The following USP24 variants were observed in gnomAD, a reference collection of about 807,000 sequenced individuals.
USP24 encodes ubiquitin specific peptidase 24, also known as ubiquitin carboxyl-terminal hydrolase 24.
In USP24, 97 loss-of-function variants were observed where a neutral mutation model predicts 361.6. The ratio of observed to expected loss-of-function variants is 0.27; its 90% CI spans 0.23 to 0.32. The LOEUF (loss-of-function observed/expected upper bound fraction) is 0.32. USP24 is among the 10% of genes least tolerant of loss of function. USP24 has a pLI of 1.00. For synonymous variants in USP24, 1,098 were observed against 1,124.6 expected (o/e 0.98, Z 0.47); for missense variants, 2,353 against 3,165.6 (o/e 0.74, Z 6.16).
chr1:55,112,017 T>C (rs1188372042), intron 38 of USP24, among the ~76,000 whole-genome samples: 3 of 152,208 alleles, frequency 2.0e-5, no homozygotes, highest in African/African-American at 2.4e-5. Flanking sequence ...CTGTAGATTA[T>C]ACATATTATA....
rs1219688715 is a variant in USP24, at chr1:55,172,380, T to C, written c.699A>G (p.Thr233=). Reference sequence around the variant, plus strand: ...CTTAATTTTAGAGATACTATACCATTGTAAGCACACCCAGGAGACCAGTGG... The same window carrying C: ...CTTAATTTTAGAGATACTATACCATCGTAAGCACACCCAGGAGACCAGTGG... The part of the protein sequence containing the change: ...PIPTGLLGVL[T]MAFNPDNEYH... The change falls in exon 4 of 68, where the codon ACA becomes ACG. Residue 233 remains threonine (T), a synonymous_variant. Coordinates refer to ENST00000294383, the MANE Select transcript of USP24 (RefSeq NM_015306.3). The C allele has an allele frequency of 3.7e-6, 6 of 1,611,100 alleles. No individual in the cohort carries two copies. Among genetic ancestry groups the C allele is most frequent in the East Asian group, 2.2e-5 (1 of 44,728 alleles).
intron 5 of USP24, among the ~76,000 whole-genome samples, chr1:55,169,388 T>C (rs923521956): frequency 1.3e-5 from 2 of 151,992 alleles, no homozygotes; most frequent in African/African-American, 4.8e-5. Context: ...GAGAGACTAA[T>C]GGGGAAGAGG....
At chr1:55,201,104 C>T (rs1349453934) in intron 1 of USP24, among the ~76,000 whole-genome samples, 1 of 152,106 alleles carries the variant, frequency 6.6e-6, no homozygotes, top group African/African-American at 2.4e-5. Flanking sequence ...AAAATTTATG[C>T]TATTTTCAAG....
chr1:55,156,851 G>T (rs1387277425), intron 12 of USP24, 97 bp downstream of exon 12: 14 of 837,436 alleles, frequency 1.7e-5, no homozygotes, highest in East Asian at 4.9e-5. Flanking sequence ...TTTAAAGCAA[G>T]ATAAAGTTTC....
Position 55,123,242 on chromosome 1 carries a change from C to T in USP24, c.4276+205G>A, listed in dbSNP as rs1024912835. Among the ~76,000 whole-genome samples the T allele has an allele frequency of 3.9e-5, 6 of 152,278 alleles. No individual in the cohort carries two copies. In the South Asian group the frequency reaches 6.2e-4, roughly 16 times the overall value. On this transcript the variant is annotated intron_variant, in intron 36 of 67. Transcript: ENST00000294383. Reference sequence around the variant, plus strand: ...CATACTGCTCTGGTGACAGCAACTGCGGAACCTCATATACAGAAGGTGCTC... The same window carrying T: ...CATACTGCTCTGGTGACAGCAACTGTGGAACCTCATATACAGAAGGTGCTC...
chr1:55,214,310 T>C (rs1644926241), intron 1 of USP24, among the ~76,000 whole-genome samples: 1 of 152,012 alleles, frequency 6.6e-6, no homozygotes, highest in African/African-American at 2.4e-5. Flanking sequence ...CCGCTTTTTC[T>C]GACTCTGAGC....
rs192650149 is a variant in USP24 at position 55,147,003 on chromosome 1, G to A, written c.2176C>T (p.Leu726=). 5.8e-4 allele frequency: 928 copies of A among 1,602,282 alleles called. 5 individuals carry two copies. In the African/African-American group the frequency reaches 0.011, roughly 20 times the overall value. ...AFFLQEATLY[L]GWNRAKEIWE... ...ATCTCCTTGGCACGATTCCAGCCCA[G>A]ATACAGAGTAGCTTCTTGCAAGAAA... Residue 726 remains leucine, a synonymous_variant, in exon 19 of 68, where the codon CTG becomes TTG. Transcript: ENST00000294383.
intron 24 of USP24, among the ~76,000 whole-genome samples, chr1:55,141,400 G>A (rs931456738): frequency 5.9e-5 from 9 of 152,108 alleles, no homozygotes; most frequent in Non-Finnish European, 1.5e-5. Flanking sequence ...GAAGTACTCG[G>A]GTGGTCCTGG....
chr1:55,187,818 T>A (rs1040186540), intron 1 of USP24, among the ~76,000 whole-genome samples: 2 of 152,210 alleles, frequency 1.3e-5, no homozygotes, highest in Admixed American at 6.5e-5. Context: ...GTTCATAGAT[T>A]GGAACTTAAA....
At chr1:55,159,524 G>C in intron 9 of USP24, 87 bp downstream of exon 9, 2 of 1,120,266 alleles carry the variant, frequency 1.8e-6, no homozygotes, top group Non-Finnish European at 2.6e-6. Context: ...AATTCAAAGA[G>C]CATGGTGTGT....
intron 2 of USP24, among the ~76,000 whole-genome samples, chr1:55,176,887 A>G (rs1470710253): frequency 6.6e-6 from 1 of 152,048 alleles, no homozygotes; most frequent in Non-Finnish European, 1.5e-5. Flanking sequence ...CTTGAGCCCA[A>G]GAGTTTGAGA....
chr1:55,190,720 T>C (rs1644264113), intron 1 of USP24, among the ~76,000 whole-genome samples: 1 of 152,152 alleles, frequency 6.6e-6, no homozygotes, highest in African/African-American at 2.4e-5. Flanking sequence ...CGGACACAAT[T>C]CTTGTCTTTA....
At chr1:55,137,108 T>C (rs966408666) in intron 28 of USP24, among the ~76,000 whole-genome samples, 1 of 152,086 alleles carries the variant, frequency 6.6e-6, no homozygotes, top group Admixed American at 6.5e-5. Context: ...CAGTGGAAAT[T>C]CACACCAAGT....
At chr1:55,094,206 C>T (rs899698107) in intron 51 of USP24, 119 bp from the exon 52 acceptor site, 198 of 996,204 alleles carry the variant, frequency 2.0e-4, no homozygotes, top group Non-Finnish European at 2.6e-4. Context: ...ATACATGTAT[C>T]GAAACATAAA....
intron 42 of USP24, 41 bp downstream of exon 42, chr1:55,103,835 A>T: frequency 6.3e-7 from 1 of 1,582,716 alleles, no homozygotes; most frequent in Non-Finnish European, 8.6e-7. Flanking sequence ...TTCAGAGATC[A>T]TTCTAAAAAA....
rs925463756 is a variant in USP24, at chr1:55,142,620, G to A, written c.2634+122C>T. On this transcript the variant is annotated intron_variant, in intron 23 of 67. Transcript: ENST00000294383. Reference sequence around the variant, plus strand: ...CCCTATGCCACAATATGGTACTGTTGATAAATTCTTCAATAGGATCCAGCC... The same window carrying A: ...CCCTATGCCACAATATGGTACTGTTAATAAATTCTTCAATAGGATCCAGCC... The A allele has an allele frequency of 7.0e-6, 5 of 717,310 alleles. No individual in the cohort carries two copies. The African/African-American group carries it at 9.2e-5, about 13-fold the overall frequency. 44.4% of individuals were successfully genotyped at this position (717,310 alleles called of 1,614,324 possible). A position where few individuals can be genotyped will look rare whatever the true frequency, so the allele number is the denominator to read the frequency against.
At chr1:55,111,256 T>C (rs1418813036) in intron 38 of USP24, among the ~76,000 whole-genome samples, 1 of 151,658 alleles carries the variant, frequency 6.6e-6, no homozygotes. Flanking sequence ...AAACATATAA[T>C]TAAAGATTCA....
intron 37 of USP24, 84 bp downstream of exon 37, chr1:55,121,352 T>C (rs1358480753): frequency 7.8e-7 from 1 of 1,275,068 alleles, no homozygotes; most frequent in African/African-American, 1.5e-5. Flanking sequence ...ACTCCTGTAT[T>C]CCCGACAATG....
chr1:55,213,521 AG>A (rs1443838151), intron 1 of USP24, among the ~76,000 whole-genome samples: 1 of 152,244 alleles, frequency 6.6e-6, no homozygotes, highest in Non-Finnish European at 1.5e-5. Context: ...CAAAAGGCTT[AG>A]CTTCACTAAG....
Sources: allele counts gnomAD v4.1 joint callset (sites outside exome capture counted in the v4.1 genomes callset), GRCh38; gene constraint gnomAD v4.1.1; transcripts MANE v1.5; gene names NCBI Gene and HGNC (gene_info 2026-07-23, HGNC 2026-07-21).